The following DNAH9 variants were observed in gnomAD, a reference collection of about 807,000 sequenced individuals.
DNAH9 encodes the protein DNAH9 variant protein.
Under a neutral mutation model 471.6 loss-of-function variants are expected in DNAH9, and 345 were observed. The observed-to-expected ratio is 0.73, with a 90% CI of 0.67 to 0.80. The LOEUF (loss-of-function observed/expected upper bound fraction) is 0.80. DNAH9 is among the 30% of genes least tolerant of loss of function. DNAH9 has a pLI of 0.00. For missense variants in DNAH9, 5,407 were observed against 5,609.2 expected, an observed-to-expected ratio of 0.96 and a Z score of 1.15; for synonymous variants, 2,093 against 2,123.6, an observed-to-expected ratio of 0.99 and a Z score of 0.40.
intron 49 of DNAH9, among the ~76,000 whole-genome samples, chr17:11,845,721 C>T (rs1384359714): frequency 7.2e-6 from 1 of 139,622 alleles, no homozygotes; most frequent in African/African-American, 2.8e-5. Context: ...GATGGTATCT[C>T]ATTGTGGTTT....
At chr17:11,746,957 G>GA (rs766875138) in intron 31 of DNAH9, among the ~76,000 whole-genome samples, 7 of 151,698 alleles carry the variant, frequency 4.6e-5, no homozygotes, top group African/African-American at 1.7e-4. Flanking sequence ...CAAGAATCAA[G>GA]AAAAAAAATC....
chr17:11,762,770 G>GTTGTTTTTTTTTTT (rs1967746481), intron 35 of DNAH9, among the ~76,000 whole-genome samples: 1 of 90,744 alleles, frequency 1.1e-5, no homozygotes, highest in Non-Finnish European at 2.2e-5. Flanking sequence ...TTTTTTTTTT[G>GTTGTTTTTTTTTTT]TTTTTTTTTT....
At chr17:11,807,651 G>C in intron 43 of DNAH9, 81 bp from the exon 44 acceptor site, 1 of 1,468,630 alleles carries the variant, frequency 6.8e-7, no homozygotes, top group Non-Finnish European at 9.3e-7. Flanking sequence ...GAAGGCCCCT[G>C]CTCCCACTCA....
At chr17:11,635,013 A>C (rs927115282) in intron 8 of DNAH9, among the ~76,000 whole-genome samples, 8 of 152,214 alleles carry the variant, frequency 5.3e-5, no homozygotes, top group Non-Finnish European at 1.2e-4. Context: ...GTTTTAGGAC[A>C]TGTGGATGTA....
At chr17:11,671,482 G>A (rs1338735743) in intron 17 of DNAH9, among the ~76,000 whole-genome samples, 2 of 152,150 alleles carry the variant, frequency 1.3e-5, no homozygotes. Flanking sequence ...TGGCAAGCAG[G>A]CTCAGGATTG....
At chr17:11,826,163 G>A (rs1173508096) in intron 48 of DNAH9, among the ~76,000 whole-genome samples, 1 of 152,158 alleles carries the variant, frequency 6.6e-6, no homozygotes, top group African/African-American at 2.4e-5. Flanking sequence ...CTACTAGGGG[G>A]TGGGTCCTTG....
chr17:11,620,330 T>C (rs2150657166), intron 6 of DNAH9, among the ~76,000 whole-genome samples: 1 of 150,786 alleles, frequency 6.6e-6, no homozygotes, highest in South Asian at 2.1e-4. Context: ...CTGGTCAACA[T>C]GGCGAAATCC....
chr17:11,917,808 C>T (rs2151024084), intron 61 of DNAH9, among the ~76,000 whole-genome samples: 1 of 152,198 alleles, frequency 6.6e-6, no homozygotes, highest in Non-Finnish European at 1.5e-5. Flanking sequence ...TTTGCCCTTC[C>T]TTCACATCTT....
At chr17:11,949,831 G>C (rs559743133) in intron 67 of DNAH9, among the ~76,000 whole-genome samples, 1 of 152,200 alleles carries the variant, frequency 6.6e-6, no homozygotes, top group South Asian at 2.1e-4. Context: ...CTCTTCTCCA[G>C]GGCTGTCCCT....
At chr17:11,916,069 C>A (rs1567897536) in intron 61 of DNAH9, among the ~76,000 whole-genome samples, 1 of 152,192 alleles carries the variant, frequency 6.6e-6, no homozygotes, top group Non-Finnish European at 1.5e-5. Flanking sequence ...ACTTTATAGT[C>A]TGTGTTCCTT....
chr17:11,748,687 A>G (rs1967007355), intron 32 of DNAH9, among the ~76,000 whole-genome samples: 1 of 152,156 alleles, frequency 6.6e-6, no homozygotes, highest in Non-Finnish European at 1.5e-5. Flanking sequence ...CCTTACCTTC[A>G]AAGAACTAAA....
At chr17:11,894,606 C>G in intron 59 of DNAH9, 110 bp downstream of exon 59, 2 of 1,415,220 alleles carry the variant, frequency 1.4e-6, no homozygotes, top group Non-Finnish European at 1.9e-6. Flanking sequence ...AAGCATGGAG[C>G]TGTGTTAAAC....
rs532122475 is a variant in DNAH9 at position 11,619,628 on chromosome 17, C to A, written c.1197C>A (p.Asp399Glu). The A allele has an allele frequency of 3.1e-6, 5 of 1,613,956 alleles. No individual in the cohort carries two copies. Among genetic ancestry groups the A allele is most frequent in the Non-Finnish European group, 4.2e-6 (5 of 1,179,928 alleles). ...ESQRKLQVVS[D>E]TLSFFKQEFQ... ...AGAGAAAACTGCAAGTGGTCTCAGACACTTTGAGCTTCTTCAAGCAAGAGT... is the reference window on the plus strand; with the variant it reads ...AGAGAAAACTGCAAGTGGTCTCAGAAACTTTGAGCTTCTTCAAGCAAGAGT... Residue 399 changes from aspartate to glutamate, a missense_variant, in exon 6 of 69, where the codon GAC becomes GAA. Asp to Glu is a conservative substitution (Grantham distance 45, BLOSUM62 2). Around this residue, in one of 3 missense-constraint regions of DNAH9, gnomAD observed 767 missense variants for 692.5 expected, o/e 1.11. Transcript: ENST00000262442.
rs1278513045 is a variant in DNAH9 at position 11,864,690 on chromosome 17, A to G, written c.9934-4444A>G. On this transcript the variant is annotated intron_variant, in intron 50 of 68. Coordinates refer to ENST00000262442, the MANE Select transcript of DNAH9 (RefSeq NM_001372.4). ...TTGTAGGTCACTCAGGACTTGCTTT[A>G]TGAATCTGGGTGCTCCTGTTTTGGG... Among the ~76,000 whole-genome samples, 5 of 152,280 alleles carry G rather than the reference A, an allele frequency of 3.3e-5. No individual in the cohort carries two copies. The East Asian group carries it at 9.6e-4, about 29-fold the overall frequency.
chr17:11,722,286 C>T (rs1443382772), intron 27 of DNAH9, among the ~76,000 whole-genome samples: 1 of 152,154 alleles, frequency 6.6e-6, no homozygotes, highest in Non-Finnish European at 1.5e-5. Context: ...GACTGAAAGC[C>T]ACTGAAAGCA....
intron 30 of DNAH9, 79 bp downstream of exon 30, chr17:11,742,392 T>C (rs2075445894): frequency 1.4e-6 from 2 of 1,408,480 alleles, no homozygotes; most frequent in Non-Finnish European, 2.0e-6. Context: ...ACAAATGTAT[T>C]AGGAAAACAT....
chr17:11,820,927 C>G (rs9895833), intron 45 of DNAH9, among the ~76,000 whole-genome samples: 2 of 151,956 alleles, frequency 1.3e-5, no homozygotes, highest in Non-Finnish European at 2.9e-5. Context: ...TCTCTTATTT[C>G]CCTGCATTTT....
chr17:11,822,395 C>A (rs1414697230), intron 46 of DNAH9, 43 bp from the exon 47 acceptor site: 1 of 1,610,752 alleles, frequency 6.2e-7, no homozygotes, highest in Non-Finnish European at 8.5e-7. Flanking sequence ...GTGAGTATTT[C>A]TCTGATGCCT....
rs144871583 is a variant in DNAH9 at position 11,800,349 on chromosome 17, C to G, written c.8420+2556C>G. Among the ~76,000 whole-genome samples, 1,213 of 151,458 alleles carry G rather than the reference C, an allele frequency of 8.0e-3. 16 individuals carry two copies. Among genetic ancestry groups the G allele is most frequent in the African/African-American group, 0.028 (1,160 of 41,260 alleles). ...TCACCTTCTCGGTGACTTCACCTCT[C>G]GCTGTAATTATCTCCTCTCTCTCTC... On this transcript the variant is annotated intron_variant, in intron 43 of 68. Transcript: ENST00000262442.
Sources: gnomAD v4.1 joint callset for allele counts (sites outside exome capture counted in the v4.1 genomes callset) on GRCh38, gnomAD v4.1.1 for gene constraint, gnomAD v4.1.1 regional missense constraint, MANE v1.5 for transcripts, NCBI Gene and HGNC (gene_info 2026-07-23, HGNC 2026-07-21) for gene names.